Variants in AVEN observed in about 807,000 individuals in gnomAD.
The protein encoded by AVEN is cell death regulator Aven.
In AVEN, 41 loss-of-function variants were observed where a neutral mutation model predicts 38.1. That is an observed-to-expected ratio of 1.08 (90% CI 0.84 to 1.40). The LOEUF (loss-of-function observed/expected upper bound fraction) is 1.40. Among genes scored for constraint, AVEN ranks in the 40% most tolerant of loss-of-function variants. The pLI is 0.00. For missense variants in AVEN, 605 were observed against 438.8 expected (o/e 1.38, Z -3.38); for synonymous variants, 206 against 171.8 (o/e 1.20, Z -1.56).
chr15:33,889,285 T>C (rs1891834898), intron 2 of AVEN, among the ~76,000 whole-genome samples: 2 of 152,210 alleles, frequency 1.3e-5, no homozygotes, highest in South Asian at 4.1e-4. Flanking sequence ...ATTCAAATAA[T>C]GCTAGTCTTT....
chr15:33,901,372 G>A (rs953670255), intron 2 of AVEN, among the ~76,000 whole-genome samples: 3 of 152,138 alleles, frequency 2.0e-5, no homozygotes, highest in African/African-American at 4.8e-5. Context: ...ATACCGACAC[G>A]TGCATACACA....
At chr15:33,853,527 G>C in the AVEN span, 2 of 1,610,552 alleles carry the variant, frequency 1.2e-6, no homozygotes, top group African/African-American at 2.7e-5. Flanking sequence ...CGTGTGGCCT[G>C]AGCTCACCCT....
intron 2 of AVEN, among the ~76,000 whole-genome samples, chr15:33,903,528 T>A (rs1231628610): frequency 6.6e-6 from 1 of 152,236 alleles, no homozygotes; most frequent in Non-Finnish European, 1.5e-5. Flanking sequence ...TGATACAGCA[T>A]CTTGGTCTCC....
intron 5 of AVEN, among the ~76,000 whole-genome samples, chr15:34,044,565 G>A (rs1899613739): frequency 5.8e-5 from 1 of 17,284 alleles, no homozygotes; most frequent in East Asian, 2.5e-3. Flanking sequence ...ACTTCTTCAT[G>A]TCTTGGCACA....
At chr15:33,968,425 T>C (rs1895481565) in intron 2 of AVEN, among the ~76,000 whole-genome samples, 1 of 152,156 alleles carries the variant, frequency 6.6e-6, no homozygotes, top group Non-Finnish European at 1.5e-5. Flanking sequence ...AAGTAATTAA[T>C]GAGTTTTTTA....
rs145345844 is a variant in AVEN, at chr15:34,002,622, A to T, written c.445+410T>A. Among the ~76,000 whole-genome samples, 20 of 152,312 alleles carry T rather than the reference A, an allele frequency of 1.3e-4. No homozygotes were observed. In the East Asian group the frequency reaches 3.9e-3, roughly 29 times the overall value. On this transcript the variant is annotated intron_variant, in intron 2 of 5. Coordinates refer to ENST00000306730, the MANE Select transcript of AVEN (RefSeq NM_020371.3). The stretch of plus-strand genomic sequence containing the variant: ...AATATGTGCATATCCACTACTATGT[A>T]TATACCTGGCTACTTAAAAAAAGGA...
intron 2 of AVEN, among the ~76,000 whole-genome samples, chr15:33,980,878 T>C (rs139420574): frequency 6.6e-6 from 1 of 152,168 alleles, no homozygotes; most frequent in Non-Finnish European, 1.5e-5. Context: ...ATGGAAAAAA[T>C]ACAGCTAAAT....
At chr15:34,039,232 G>A (rs1380828682), upstream of AVEN, 4 of 339,610 alleles carry the variant, frequency 1.2e-5, no homozygotes, top group South Asian at 2.4e-4. Context: ...GGCGGCCGGC[G>A]TCCCGCAGGT....
chr15:33,923,711 G>A (rs1342796370), intron 2 of AVEN, among the ~76,000 whole-genome samples: 2 of 152,046 alleles, frequency 1.3e-5, no homozygotes, highest in Non-Finnish European at 2.9e-5. Context: ...CCAACCCCTA[G>A]GGGTTAGGAA....
At chr15:34,006,188 G>C (rs1897331233) in intron 1 of AVEN, among the ~76,000 whole-genome samples, 1 of 152,094 alleles carries the variant, frequency 6.6e-6, no homozygotes. Context: ...GCGGGCACCT[G>C]TAGTCCCAGC....
At chr15:33,898,314 C>T (rs918502230) in intron 2 of AVEN, among the ~76,000 whole-genome samples, 1 of 152,222 alleles carries the variant, frequency 6.6e-6, no homozygotes, top group Non-Finnish European at 1.5e-5. Context: ...TAGATCAACA[C>T]ACTATATGCG....
intron 1 of AVEN, among the ~76,000 whole-genome samples, chr15:34,036,354 A>C (rs920046510): frequency 6.6e-6 from 1 of 152,138 alleles, no homozygotes; most frequent in African/African-American, 2.4e-5. Flanking sequence ...AGTGGTCCAA[A>C]ATAGAAAGCA....
At chr15:33,931,155 T>C (rs868376330) in intron 2 of AVEN, among the ~76,000 whole-genome samples, 2 of 152,026 alleles carry the variant, frequency 1.3e-5, no homozygotes, top group African/African-American at 2.4e-5. Context: ...GGAAATTATC[T>C]ATAGTCTAAA....
intron 2 of AVEN, among the ~76,000 whole-genome samples, chr15:33,902,888 T>C (rs1892546669): frequency 6.6e-6 from 1 of 151,176 alleles, no homozygotes; most frequent in Non-Finnish European, 1.5e-5. Context: ...TGTGTGTTTA[T>C]CTTTAGCAGT....
In AVEN at chr15:34,073,986, C is replaced by CT. The variant is rs1381411256; in HGVS notation, n.720+449dup. ...TGGAGGAACTTTCTTTTTTCTTCTT[C>CT]TTCTTTTTTTTTTTTTTTTTTTTTT... On this transcript the variant is annotated intron_variant and non_coding_transcript_variant, in intron 1 of 11. Coordinates refer to the AVEN transcript ENST00000675287. Among the ~76,000 whole-genome samples the CT allele has an allele frequency of 4.1e-3, 463 of 112,172 alleles. 79 individuals carry two copies. Among genetic ancestry groups the CT allele is most frequent in the African/African-American group, 0.018 (430 of 24,256 alleles). The allele number at this position is 112,172 out of a possible 152,430, so 73.6% of individuals were successfully genotyped here.
rs542179714 is a variant in AVEN at position 33,916,011 on chromosome 15, C to T, written c.446-40016G>A. Among the ~76,000 whole-genome samples, 467 of 152,228 alleles carry T rather than the reference C, an allele frequency of 3.1e-3. 3 individuals are homozygous for T. The highest frequency in any genetic ancestry group is 0.011 in the African/African-American group (441 of 41,544). On this transcript the variant is annotated intron_variant, in intron 2 of 5. Coordinates refer to ENST00000306730, the MANE Select transcript of AVEN (RefSeq NM_020371.3). ...GCCACACCTCCACCCCCACAGCAGC[C>T]GCAGCAAGCCCCACCCACGGAGAGT... is the stretch of plus-strand genomic sequence containing the variant.
intron 2 of AVEN, among the ~76,000 whole-genome samples, chr15:33,934,722 C>T (rs181131179): frequency 6.6e-6 from 1 of 152,276 alleles, no homozygotes; most frequent in East Asian, 1.9e-4. Context: ...TACCTTGTAT[C>T]CTGGTTACGC....
chr15:33,878,864 ATC>A (rs1891361986), intron 2 of AVEN, among the ~76,000 whole-genome samples: 2 of 152,282 alleles, frequency 1.3e-5, no homozygotes, highest in African/African-American at 4.8e-5. Flanking sequence ...TGAATTTAAA[ATC>A]TGATAGATTT....
intron 2 of AVEN, among the ~76,000 whole-genome samples, chr15:33,948,717 G>A (rs575712081): frequency 8.6e-4 from 131 of 152,264 alleles, no homozygotes; most frequent in Non-Finnish European, 1.6e-3. Flanking sequence ...CTGTCGCCCA[G>A]GCTGGAGTGC....
Sources: gnomAD v4.1 joint callset for allele counts (sites outside exome capture counted in the v4.1 genomes callset) on GRCh38, gnomAD v4.1.1 for gene constraint, MANE v1.5 for transcripts, NCBI Gene and HGNC (gene_info 2026-07-23, HGNC 2026-07-21) for gene names.